The following SLC25A35 variants were observed in gnomAD, a reference collection of about 807,000 sequenced individuals.
The protein encoded by SLC25A35 is solute carrier family 25 member 35.
Under a neutral mutation model 30.5 loss-of-function variants are expected in SLC25A35, and 32 were observed. That is an observed-to-expected ratio of 1.05 (90% CI 0.79 to 1.41). The LOEUF is 1.41. SLC25A35 is among the 40% of genes most tolerant of loss of function. The pLI, the probability that SLC25A35 is intolerant of heterozygous loss-of-function variation, is 0.00. For missense variants in SLC25A35, 369 were observed against 388.0 expected, an observed-to-expected ratio of 0.95 and a Z score of 0.41; for synonymous variants, 142 against 158.1, an observed-to-expected ratio of 0.90 and a Z score of 0.77.
Position 8,294,830 on chromosome 17 carries a change from C to CG in SLC25A35, c.-24_-23insC, listed in dbSNP as rs1277235699. 7.8e-6 allele frequency: 12 copies of CG among 1,544,106 alleles called. No individual in the cohort carries two copies. Among genetic ancestry groups the CG allele is most frequent in the Non-Finnish European group, 1.0e-5 (12 of 1,145,718 alleles). ...CATGGTGGGATAGCTGTAGCAGGAACTGACCCAAGAGTAAGAAAGTAAAAA... is the reference window on the plus strand; with the variant it reads ...CATGGTGGGATAGCTGTAGCAGGAACGTGACCCAAGAGTAAGAAAGTAAAAA... On this transcript the variant is annotated 5_prime_UTR_variant, in exon 1 of 5. Transcript: ENST00000577745.
At position 8,294,855 on chromosome 17, in the gene SLC25A35, A is replaced by T; in HGVS notation, c.-48T>A. ...CTGACCCAAGAGTAAGAAAGTAAAA[A>T]TGGGTGTCAGAAAGCGGGGTTGGAA... On this transcript the variant is annotated 5_prime_UTR_variant, in exon 1 of 5. Transcript: ENST00000577745. 6.6e-7 allele frequency: 1 copy of T among 1,521,030 alleles called. No homozygotes were observed. Among genetic ancestry groups the T allele is most frequent in the Non-Finnish European group, 8.8e-7 (1 of 1,135,130 alleles). The allele number at this position is 1,521,030 out of a possible 1,614,324, so 94.2% of individuals were successfully genotyped here.
chr17:8,291,020 T>G, intron 3 of SLC25A35, 44 bp from the exon 4 acceptor site: 1 of 1,611,098 alleles, frequency 6.2e-7, no homozygotes. Context: ...AGCCAACTAT[T>G]ACACCCCAAG....
chr17:8,291,201 G>A (rs1423404200), intron 3 of SLC25A35, 132 bp downstream of exon 3: 2 of 1,400,918 alleles, frequency 1.4e-6, no homozygotes, highest in Non-Finnish European at 2.0e-6. Context: ...AGGGTCTAAA[G>A]AGTTGACCTC....
At chr17:8,288,592 C>A, downstream of SLC25A35, 1 of 659,154 alleles carries the variant, frequency 1.5e-6, no homozygotes, top group Non-Finnish European at 2.6e-6. Flanking sequence ...CGGAGCAAAG[C>A]CGCTGACCCC....
chr17:8,289,414 G>C (rs1990300708), downstream of SLC25A35: 1 of 1,614,050 alleles, frequency 6.2e-7, no homozygotes, highest in Non-Finnish European at 8.5e-7. Context: ...AAAACCAGCA[G>C]GTGAGGGCCC....
chr17:8,290,997 A>ACC (rs771147016), intron 3 of SLC25A35, 21 bp from the exon 4 acceptor site: 2 of 1,613,520 alleles, frequency 1.2e-6, no homozygotes, highest in African/African-American at 2.7e-5. Context: ...AGAGAGGAAG[A>ACC]GCGTTGTCAA....
intron 3 of SLC25A35, 60 bp from the exon 4 acceptor site, chr17:8,291,036 G>T: frequency 1.3e-6 from 2 of 1,599,942 alleles, no homozygotes; most frequent in South Asian, 1.1e-5. Flanking sequence ...CCAAGGACAG[G>T]ACAGTCCCTG....
chr17:8,288,529 C>T, downstream of SLC25A35: 2 of 575,830 alleles, frequency 3.5e-6, no homozygotes, highest in South Asian at 2.0e-5. Context: ...CTAAGTCCAA[C>T]CCCAAGGCAG....
Position 8,290,383 on chromosome 17 carries a change from G to T in SLC25A35, c.*122C>A. On this transcript the variant is annotated 3_prime_UTR_variant, in exon 5 of 5. Coordinates refer to ENST00000577745, the MANE Select transcript of SLC25A35 (RefSeq NM_001320870.2). ...ATTCAACCCTGAGAACAGATGGGGA[G>T]TGGGGTTGGCTGTCCCCCATGGATG... The T allele has an allele frequency of 6.8e-7, 1 of 1,459,868 alleles. No individual in the cohort carries two copies. The highest frequency in any genetic ancestry group is 9.0e-7 in the Non-Finnish European group (1 of 1,109,458). 90.4% of individuals were successfully genotyped at this position (1,459,868 alleles called of 1,614,324 possible). A position where few individuals can be genotyped will look rare whatever the true frequency, so the allele number is the denominator to read the frequency against.
chr17:8,293,296 T>G (rs1990629088), intron 1 of SLC25A35, among the ~76,000 whole-genome samples: 1 of 152,186 alleles, frequency 6.6e-6, no homozygotes, highest in Admixed American at 6.6e-5. Flanking sequence ...AGGGCCTTCC[T>G]GATCCCTAGA....
At chr17:8,289,103 C>T (rs1250961817), downstream of SLC25A35, 2 of 1,608,658 alleles carry the variant, frequency 1.2e-6, no homozygotes, top group African/African-American at 1.3e-5. Context: ...TGGCCAATGG[C>T]AGGGGCGGGG....
At chr17:8,291,548 C>T in intron 2 of SLC25A35, 63 bp from the exon 3 acceptor site, 1 of 1,529,446 alleles carries the variant, frequency 6.5e-7, no homozygotes, top group Non-Finnish European at 8.8e-7. Context: ...GCCATCCTAA[C>T]ACTGCCAAGG....
At position 8,294,728 on chromosome 17, in the gene SLC25A35, ATCCTGG is replaced by A; in HGVS notation, c.74_79del (p.Thr25_Arg26del). ...GGCCTGCAGTTCTCCTTGCAACTGC[ATCCTGG>A]TCTTCACCACCTCCAGGGGATTGGT... On this transcript the variant is annotated inframe_deletion, in exon 1 of 5. Transcript: ENST00000577745. 2 of 1,614,146 alleles carry A rather than the reference ATCCTGG, an allele frequency of 1.2e-6. No individual in the cohort carries two copies. The highest frequency in any genetic ancestry group is 3.3e-4 in the Middle Eastern group (2 of 6,062).
At position 8,294,910 on chromosome 17, in the gene SLC25A35, AG is replaced by A; in HGVS notation, c.-104del. 1.3e-6 allele frequency: 2 copies of A among 1,488,546 alleles called. No homozygotes were observed. The highest frequency in any genetic ancestry group is 1.8e-6 in the Non-Finnish European group (2 of 1,124,848). 92.2% of individuals were successfully genotyped at this position (1,488,546 alleles called of 1,614,324 possible). On this transcript the variant is annotated 5_prime_UTR_variant, in exon 1 of 5. Coordinates refer to ENST00000577745, the MANE Select transcript of SLC25A35 (RefSeq NM_001320870.2). ...GGGGGAAGGCCTGTTTCAGCAGTAC[AG>A]GTTGCAGAAGATAAGAATTTAGATT...
Position 8,290,694 on chromosome 17 carries a change from A to T in SLC25A35, c.730-16T>A. On this transcript the variant is annotated splice_polypyrimidine_tract_variant and intron_variant, in intron 4 of 4. Transcript: ENST00000577745. Reference sequence around the variant, plus strand: ...ACATGAGGCCCTGAGAGTGTGTCAGAGAGGGAGGGAGAGCACAGAGAAGGA... The same window carrying T: ...ACATGAGGCCCTGAGAGTGTGTCAGTGAGGGAGGGAGAGCACAGAGAAGGA... 6.3e-7 allele frequency: 1 copy of T among 1,597,050 alleles called. No individual in the cohort carries two copies. The highest frequency in any genetic ancestry group is 8.5e-7 in the Non-Finnish European group (1 of 1,176,814).
At chr17:8,291,553 C>T (rs1391272656) in intron 2 of SLC25A35, 68 bp from the exon 3 acceptor site, 1 of 1,514,558 alleles carries the variant, frequency 6.6e-7, no homozygotes, top group Admixed American at 2.1e-5. Context: ...CCTAACACTG[C>T]CAAGGATGGG....
downstream of SLC25A35, chr17:8,290,026 T>G (rs1990362705): frequency 6.2e-7 from 1 of 1,604,016 alleles, no homozygotes; most frequent in South Asian, 1.1e-5. Flanking sequence ...TTTCCTCTTA[T>G]TTCTTCCCTG....
chr17:8,289,580 T>A (rs140312984), downstream of SLC25A35: 17 of 1,612,702 alleles, frequency 1.1e-5, no homozygotes, highest in Non-Finnish European at 1.4e-5. Context: ...TTACCTTCAA[T>A]CAGCCCCCGT....
Position 8,290,650 on chromosome 17 carries a change from G to T in SLC25A35, c.758C>A (p.Ala253Asp), listed in dbSNP as rs1415838488. 6.4e-7 allele frequency: 1 copy of T among 1,556,382 alleles called. No homozygotes were observed. The highest frequency in any genetic ancestry group is 8.6e-7 in the Non-Finnish European group (1 of 1,157,134). The change falls in exon 5 of 5, where the codon GCT becomes GAT. Residue 253 changes from alanine (A) to aspartate (D), a missense_variant. Coordinates refer to ENST00000577745, the MANE Select transcript of SLC25A35 (RefSeq NM_001320870.2). ...CTCGGTCCGAGCTGTCTGCAGCAGA[G>T]CGTCCAGTATCCCCCGGTACATGAG... is the stretch of plus-strand genomic sequence containing the variant. Reference protein sequence around the residue: ...KGLMYRGILDALLQTARTEGI... With the variant: ...KGLMYRGILDDLLQTARTEGI...
Sources: gnomAD v4.1 joint callset for allele counts (sites outside exome capture counted in the v4.1 genomes callset) on GRCh38, gnomAD v4.1.1 for gene constraint, MANE v1.5 for transcripts, NCBI Gene and HGNC (gene_info 2026-07-23, HGNC 2026-07-21) for gene names.